Variants in SYT16 observed in about 807,000 individuals in gnomAD.
SYT16 encodes synaptotagmin-16.
In SYT16, 42 loss-of-function variants were observed where a neutral mutation model predicts 61.4. The ratio of observed to expected loss-of-function variants is 0.68; its 90% CI spans 0.53 to 0.89. The LOEUF is 0.89. SYT16 is among the 40% of genes least tolerant of loss of function. SYT16 has a pLI of 0.00. For synonymous variants in SYT16, 314 were observed against 302.3 expected (o/e 1.04, Z -0.40); for missense variants, 804 against 807.3 (o/e 1.00, Z 0.05).
At chr14:61,940,502 G>A (rs1408926284) in intron 1 of SYT16, among the ~76,000 whole-genome samples, 1 of 151,998 alleles carries the variant, frequency 6.6e-6, no homozygotes, top group Non-Finnish European at 1.5e-5. Flanking sequence ...GTAAAATTCT[G>A]GCTCTGACAC....
chr14:61,970,719 A>G (rs527657993), intron 2 of SYT16, among the ~76,000 whole-genome samples: 1 of 152,318 alleles, frequency 6.6e-6, no homozygotes, highest in Admixed American at 6.5e-5. Flanking sequence ...CACTGAGTAT[A>G]CCATGTCACT....
In SYT16 at chr14:62,072,059, C is replaced by G. The variant is rs1038962595; in HGVS notation, c.736+2244C>G. ...AAAGAGGGTTTTTGGTCTAAGTGGT[C>G]TGGATTGGAGGCCTGTATGCAAGGT... On this transcript the variant is annotated intron_variant, in intron 4 of 7. Coordinates refer to ENST00000683842, the MANE Select transcript of SYT16 (RefSeq NM_001367656.1). Among the ~76,000 whole-genome samples, 3 of 152,118 alleles carry G rather than the reference C, an allele frequency of 2.0e-5. No homozygotes were observed. The South Asian group carries it at 6.2e-4, about 31-fold the overall frequency.
chr14:62,102,793 A>G lies in SYT16; in HGVS notation c.*2086A>G, dbSNP rs1480945480. 5 of 152,186 alleles carry G rather than the reference A, an allele frequency of 3.3e-5. No individual in the cohort carries two copies. The highest frequency in any genetic ancestry group is 1.2e-4 in the African/African-American group (5 of 41,434). The allele number at this position is 152,186 out of a possible 1,614,324, so 9.4% of individuals were successfully genotyped here. ...CCCTCTCATATTTTCCTGCTGCTGC[A>G]TCCTTGTTTCTTGGTACCCAATAAT... On this transcript the variant is annotated 3_prime_UTR_variant, in exon 8 of 8. Transcript: ENST00000683842.
chr14:61,841,257 G>A (rs574857944), intron 1 of SYT16, among the ~76,000 whole-genome samples: 1 of 152,160 alleles, frequency 6.6e-6, no homozygotes, highest in East Asian at 1.9e-4. Context: ...AAATCACAGA[G>A]CATTCATTCT....
chr14:62,034,786 T>C (rs373474854), intron 3 of SYT16, among the ~76,000 whole-genome samples: 11 of 152,238 alleles, frequency 7.2e-5, no homozygotes, highest in South Asian at 4.2e-4. Flanking sequence ...TGTGCTAAAA[T>C]TGATTGTGAT....
chr14:61,896,742 A>G (rs1401000565), intron 1 of SYT16, among the ~76,000 whole-genome samples: 1 of 152,238 alleles, frequency 6.6e-6, no homozygotes, highest in Non-Finnish European at 1.5e-5. Flanking sequence ...GTTTTCACTT[A>G]TATATGTTGT....
chr14:62,046,600 G>A (rs569479372), intron 3 of SYT16, among the ~76,000 whole-genome samples: 7 of 152,338 alleles, frequency 4.6e-5, no homozygotes, highest in African/African-American at 1.7e-4. Flanking sequence ...TAACATTTAA[G>A]TCTTTAATCA....
intron 1 of SYT16, among the ~76,000 whole-genome samples, chr14:61,902,743 G>T (rs534515222): frequency 6.6e-6 from 1 of 152,302 alleles, no homozygotes; most frequent in South Asian, 2.1e-4. Flanking sequence ...TTTCCACATG[G>T]CTGGAGAGGC....
At chr14:62,049,162 G>A (rs1394132587) in intron 3 of SYT16, among the ~76,000 whole-genome samples, 1 of 152,204 alleles carries the variant, frequency 6.6e-6, no homozygotes, top group Non-Finnish European at 1.5e-5. Flanking sequence ...GGGTGCTCCT[G>A]TATTGGGTAC....
At position 62,100,797 on chromosome 14, in the gene SYT16, G is replaced by A. The variant is rs2057402529; in HGVS notation, c.*90G>A. On this transcript the variant is annotated 3_prime_UTR_variant, in exon 8 of 8. Coordinates refer to ENST00000683842, the MANE Select transcript of SYT16 (RefSeq NM_001367656.1). ...TAAGTGTCCTGGCAAGGGTTTCAGG[G>A]TTTCAAAAACAGATTCCACTAACCC... 7.1e-7 allele frequency: 1 copy of A among 1,400,042 alleles called. No homozygotes were observed. The highest frequency in any genetic ancestry group is 9.5e-7 in the Non-Finnish European group (1 of 1,048,218). The allele number at this position is 1,400,042 out of a possible 1,614,324, so 86.7% of individuals were successfully genotyped here.
Position 61,972,400 on chromosome 14 carries a change from A to G in SYT16, c.-145+2089A>G, listed in dbSNP as rs183503154. Among the ~76,000 whole-genome samples, 348 of 152,326 alleles carry G rather than the reference A, an allele frequency of 2.3e-3. 3 individuals carry two copies. The highest frequency in any genetic ancestry group is 0.017 in the Middle Eastern group (5 of 294). On this transcript the variant is annotated intron_variant, in intron 2 of 7. Coordinates refer to ENST00000683842, the MANE Select transcript of SYT16 (RefSeq NM_001367656.1). ...ATACTTGCAAATAAGTTGAGGTTTT[A>G]AGAATGTTGAAACAATAACAATAAA...
chr14:61,864,626 C>A (rs1268841517), intron 1 of SYT16, among the ~76,000 whole-genome samples: 2 of 152,268 alleles, frequency 1.3e-5, no homozygotes, highest in African/African-American at 4.8e-5. Flanking sequence ...TGCGCGGCCT[C>A]AATTTGGCGG....
At chr14:62,026,236 A>T (rs1252376750) in intron 3 of SYT16, among the ~76,000 whole-genome samples, 1 of 152,180 alleles carries the variant, frequency 6.6e-6, no homozygotes, top group Non-Finnish European at 1.5e-5. Flanking sequence ...CAATTGTCAT[A>T]TCAAAGTATA....
intron 5 of SYT16, among the ~76,000 whole-genome samples, chr14:62,078,151 C>CTATATA (rs1427469359): frequency 1.0e-4 from 11 of 106,364 alleles, no homozygotes; most frequent in African/African-American, 5.4e-4. Flanking sequence ...CTCTCTCTCT[C>CTATATA]TCTCTATATA....
In SYT16 at chr14:62,003,563, G is replaced by C. The variant is rs1038516494; in HGVS notation, c.523+7021G>C. Among the ~76,000 whole-genome samples, 3 of 151,862 alleles carry C rather than the reference G, an allele frequency of 2.0e-5. No individual in the cohort carries two copies. In the South Asian group the frequency reaches 6.2e-4, roughly 32 times the overall value. On this transcript the variant is annotated intron_variant, in intron 3 of 7. Coordinates refer to ENST00000683842, the MANE Select transcript of SYT16 (RefSeq NM_001367656.1). ...CTGAGTTTAAGAAAATATGTGATTT[G>C]ACCACTTATATAAATTTTGTTGTTG... is the stretch of plus-strand genomic sequence containing the variant.
intron 1 of SYT16, among the ~76,000 whole-genome samples, chr14:61,922,890 A>T (rs533524517): frequency 6.6e-6 from 1 of 152,196 alleles, no homozygotes; most frequent in African/African-American, 2.4e-5. Context: ...TCCACTACAA[A>T]TACAAAAAAT....
chr14:61,828,717 C>T (rs993038640), intron 1 of SYT16, among the ~76,000 whole-genome samples: 1 of 152,328 alleles, frequency 6.6e-6, no homozygotes, highest in Non-Finnish European at 1.5e-5. Flanking sequence ...TGGATCCTAT[C>T]TGATACCATA....
intron 1 of SYT16, among the ~76,000 whole-genome samples, chr14:61,888,728 T>TA (rs890123000): frequency 1.7e-4 from 25 of 145,238 alleles, no homozygotes; most frequent in African/African-American, 6.5e-4. Flanking sequence ...ATTGTGCTGA[T>TA]ACACTTGCGC....
At position 61,951,777 on chromosome 14, in the gene SYT16, AATTAT is replaced by A. The variant is rs2050680550; in HGVS notation, c.-324-18346_-324-18342del. Among the ~76,000 whole-genome samples the A allele has an allele frequency of 1.1e-4, 17 of 152,124 alleles. 1 individual carries two copies. The South Asian group carries it at 3.5e-3, about 32-fold the overall frequency. ...GGCATATGTTCCTAATTATTTCTATAATTATATTATATTCAGTATATATATATTTT... is the reference window on the plus strand; with the variant it reads ...GGCATATGTTCCTAATTATTTCTATAATTATATTCAGTATATATATATTTT... On this transcript the variant is annotated intron_variant, in intron 1 of 7. Coordinates refer to ENST00000683842, the MANE Select transcript of SYT16 (RefSeq NM_001367656.1).
Sources: allele counts gnomAD v4.1 joint callset (sites outside exome capture counted in the v4.1 genomes callset), GRCh38; gene constraint gnomAD v4.1.1; transcripts MANE v1.5; gene names NCBI Gene and HGNC (gene_info 2026-07-23, HGNC 2026-07-21).